SCN11A: variants seen among roughly 807,000 people sequenced by gnomAD.
SCN11A encodes sodium voltage-gated channel alpha subunit 11.
Under a neutral mutation model 162.2 loss-of-function variants are expected in SCN11A, and 122 were observed. The ratio of observed to expected loss-of-function variants is 0.75; its 90% confidence interval spans 0.65 to 0.87. SCN11A has a LOEUF of 0.87. Among genes scored for constraint, SCN11A ranks in the 40% least tolerant of loss-of-function variants. The pLI, the probability that SCN11A is intolerant of heterozygous loss-of-function variation, is 0.00. For synonymous variants in SCN11A, 758 were observed against 751.5 expected (o/e 1.01, Z -0.14); for missense variants, 2,015 against 2,181.6 (o/e 0.92, Z 1.52).
At chr3:38,854,973 C>T (rs187346488) in intron 28 of SCN11A, among the ~76,000 whole-genome samples, 58 of 152,314 alleles carry the variant, frequency 3.8e-4, no homozygotes, top group African/African-American at 1.3e-3. Context: ...GTGATAATTT[C>T]GACTGGGCAC....
At chr3:38,869,150 C>A (rs1261873861) in intron 26 of SCN11A, among the ~76,000 whole-genome samples, 2 of 152,070 alleles carry the variant, frequency 1.3e-5, no homozygotes, top group Non-Finnish European at 2.9e-5. Context: ...CATATCAGGA[C>A]CGGCATCAAA....
At chr3:38,859,625 G>T (rs374733346) in intron 28 of SCN11A, among the ~76,000 whole-genome samples, 2 of 151,970 alleles carry the variant, frequency 1.3e-5, no homozygotes, top group East Asian at 1.9e-4. Flanking sequence ...TTATGGAACC[G>T]CATTTGCAAA....
intron 19 of SCN11A, among the ~76,000 whole-genome samples, chr3:38,887,333 G>A (rs2065417719): frequency 6.6e-6 from 1 of 151,202 alleles, no homozygotes; most frequent in South Asian, 2.1e-4. Flanking sequence ...AATTCAAGAG[G>A]GGCCACTGGA....
intron 2 of SCN11A, among the ~76,000 whole-genome samples, chr3:38,994,871 G>A (rs1385944136): frequency 3.3e-5 from 5 of 152,172 alleles, no homozygotes; most frequent in African/African-American, 1.2e-4. Context: ...TTTGTCTGCA[G>A]CTGAGAGGCT....
At chr3:38,984,820 G>A (rs2030175994) in intron 2 of SCN11A, among the ~76,000 whole-genome samples, 1 of 152,114 alleles carries the variant, frequency 6.6e-6, no homozygotes, top group East Asian at 1.9e-4. Context: ...TGAAATTCGT[G>A]TTGAGCTTTC....
intron 2 of SCN11A, among the ~76,000 whole-genome samples, chr3:39,017,057 G>C (rs1221160012): frequency 1.3e-5 from 2 of 152,198 alleles, no homozygotes. Context: ...CCGTGTTGTT[G>C]ATATTGGGAA....
At chr3:38,870,075 C>T (rs910012316) in intron 26 of SCN11A, among the ~76,000 whole-genome samples, 1 of 152,212 alleles carries the variant, frequency 6.6e-6, no homozygotes, top group Non-Finnish European at 1.5e-5. Flanking sequence ...CATCTGCTTA[C>T]TCTATGGCTT....
Position 38,950,326 on chromosome 3 carries a change from C to T in SCN11A, c.37G>A (p.Glu13Lys). 1.2e-6 allele frequency: 2 copies of T among 1,613,898 alleles called. No individual in the cohort carries two copies. Among genetic ancestry groups the T allele is most frequent in the Non-Finnish European group, 1.7e-6 (2 of 1,180,002 alleles). Residue 13 changes from glutamate (E) to lysine (K), a missense_variant, in exon 5 of 30, where the codon GAG becomes AAG. Glu to Lys is a moderately conservative substitution (Grantham distance 56). Transcript: ENST00000302328. The stretch of plus-strand genomic sequence containing the variant: ...GAAGTGAAGGGGCGGAAATTCCGCT[C>T]ATCTGGAAAGATTACTGGGTAGCAT... Reference protein sequence around the residue: ...DRCYPVIFPDERNFRPFTSDS... With the variant: ...DRCYPVIFPDKRNFRPFTSDS...
intron 2 of SCN11A, among the ~76,000 whole-genome samples, chr3:39,024,141 A>C (rs1290618523): frequency 1.3e-5 from 2 of 152,252 alleles, no homozygotes; most frequent in Admixed American, 1.3e-4. Flanking sequence ...AGATTCATTT[A>C]GTCAAAGTTT....
At chr3:39,048,396 T>C (rs767894020) in intron 1 of SCN11A, among the ~76,000 whole-genome samples, 1 of 152,070 alleles carries the variant, frequency 6.6e-6, no homozygotes, top group African/African-American at 2.4e-5. Context: ...TATAGAGAGG[T>C]TGGTTAACAC....
chr3:39,041,802 T>TAAATC (rs142285988), intron 1 of SCN11A, among the ~76,000 whole-genome samples: 4,368 of 151,950 alleles, frequency 0.029, 201 homozygotes, highest in African/African-American at 0.1. Context: ...GAAAGAAAAA[T>TAAATC]AAACTTTATC....
Position 38,847,119 on chromosome 3 carries a change from C to T in SCN11A, c.4951G>A (p.Asp1651Asn), listed in dbSNP as rs2064683161. ...ACACGCAAAGGCTCAGGCAAGGCAT[C>T]AGCAAAGTCAGAAAGGGCAGAATAT... is the stretch of plus-strand genomic sequence containing the variant. ...IKYSALSDFA[D>N]ALPEPLRVAK... The change falls in exon 30 of 30, where the codon GAT becomes AAT. Residue 1651 changes from aspartate to asparagine, a missense_variant. Coordinates refer to ENST00000302328, the MANE Select transcript of SCN11A (RefSeq NM_001349253.2). 1.9e-6 allele frequency: 3 copies of T among 1,614,206 alleles called. No homozygotes were observed. Among genetic ancestry groups the T allele is most frequent in the East Asian group, 2.2e-5 (1 of 44,884 alleles).
At chr3:38,940,032 G>A (rs1575318573) in intron 7 of SCN11A, among the ~76,000 whole-genome samples, 1 of 146,886 alleles carries the variant, frequency 6.8e-6, no homozygotes, top group African/African-American at 2.5e-5. Context: ...ATAAAATATT[G>A]ATATGTATAA....
intron 1 of SCN11A, among the ~76,000 whole-genome samples, chr3:39,033,448 T>C (rs1264863415): frequency 6.6e-6 from 1 of 152,228 alleles, no homozygotes; most frequent in Non-Finnish European, 1.5e-5. Flanking sequence ...AGAACAGAAC[T>C]ACAATATACC....
chr3:39,042,508 G>A (rs191506842), intron 1 of SCN11A, among the ~76,000 whole-genome samples: 23 of 152,148 alleles, frequency 1.5e-4, no homozygotes, highest in Admixed American at 3.3e-4. Context: ...TCAAGATTCC[G>A]CACAGCAAAG....
At chr3:38,871,961 C>A (rs1045223305) in intron 24 of SCN11A, among the ~76,000 whole-genome samples, 4 of 152,148 alleles carry the variant, frequency 2.6e-5, no homozygotes, top group Admixed American at 1.3e-4. Flanking sequence ...TGGACACCTA[C>A]CCCAGGATTC....
chr3:38,878,360 T>G (rs1575236206), intron 23 of SCN11A, among the ~76,000 whole-genome samples: 1 of 151,836 alleles, frequency 6.6e-6, no homozygotes, highest in Non-Finnish European at 1.5e-5. Flanking sequence ...TTTTTACCTG[T>G]GAGAAAATTA....
chr3:38,887,902 G>A (rs1464274011), intron 19 of SCN11A, among the ~76,000 whole-genome samples: 2 of 152,160 alleles, frequency 1.3e-5, no homozygotes, highest in African/African-American at 4.8e-5. Context: ...AATAGCATAT[G>A]TAAAAATACA....
In SCN11A at chr3:38,945,524, C is replaced by A. The variant is rs374765706; in HGVS notation, c.387-12G>T. On this transcript the variant is annotated splice_polypyrimidine_tract_variant and intron_variant, in intron 6 of 29. Coordinates refer to ENST00000302328, the MANE Select transcript of SCN11A (RefSeq NM_001349253.2). ...ACATGCTGAACAATGTGGCCAGCAT[C>A]CATTAAGGCAGATATGTTGCAGGAT... is the stretch of plus-strand genomic sequence containing the variant. 15 of 1,519,922 alleles carry A rather than the reference C, an allele frequency of 9.9e-6. No homozygotes were observed. The highest frequency in any genetic ancestry group is 1.2e-5 in the Non-Finnish European group (14 of 1,120,504). The allele number at this position is 1,519,922 out of a possible 1,614,324, so 94.2% of individuals were successfully genotyped here.
Sources: gnomAD v4.1 joint callset for allele counts (sites outside exome capture counted in the v4.1 genomes callset) on GRCh38, gnomAD v4.1.1 for gene constraint, MANE v1.5 for transcripts, NCBI Gene and HGNC (gene_info 2026-07-23, HGNC 2026-07-21) for gene names.